The following PTCD2 variants were observed in gnomAD, a reference collection of about 807,000 sequenced individuals.
PTCD2 encodes the protein pentatricopeptide repeat domain 2, also known as pentatricopeptide repeat-containing protein 2, mitochondrial.
In PTCD2, 31 loss-of-function variants were observed where a neutral mutation model predicts 42.6. The ratio of observed to expected loss-of-function variants is 0.73; its 90% CI spans 0.55 to 0.98. The LOEUF is 0.98. PTCD2 is among the 50% of genes least tolerant of loss of function. The pLI, the probability that PTCD2 is intolerant of heterozygous loss-of-function variation, is 0.00. For missense variants in PTCD2, 476 were observed against 454.8 expected, an observed-to-expected ratio of 1.05 and a Z score of -0.42; for synonymous variants, 183 against 170.9, an observed-to-expected ratio of 1.07 and a Z score of -0.55.
At chr5:72,353,967 C>T (rs1393128223) in intron 9 of PTCD2, among the ~76,000 whole-genome samples, 1 of 152,104 alleles carries the variant, frequency 6.6e-6, no homozygotes, top group Non-Finnish European at 1.5e-5. Flanking sequence ...AAATCCAAAT[C>T]AGTAAAAGAA....
At chr5:72,328,100 T>C (rs1011282070) in intron 3 of PTCD2, among the ~76,000 whole-genome samples, 1 of 152,208 alleles carries the variant, frequency 6.6e-6, no homozygotes, top group Non-Finnish European at 1.5e-5. Flanking sequence ...CTGTTTCAGT[T>C]GTCTGTTGCT....
intron 8 of PTCD2, among the ~76,000 whole-genome samples, chr5:72,345,732 T>C (rs768423393): frequency 6.6e-6 from 1 of 152,214 alleles, no homozygotes; most frequent in African/African-American, 2.4e-5. Context: ...CTTTTTGTTG[T>C]GGGGATTAAA....
chr5:72,338,614 CCT>C lies in PTCD2; in HGVS notation c.640-6_640-5del. The C allele has an allele frequency of 7.0e-7, 1 of 1,438,400 alleles. No individual in the cohort carries two copies. Among genetic ancestry groups the C allele is most frequent in the Non-Finnish European group, 9.7e-7 (1 of 1,027,038 alleles). The allele number at this position is 1,438,400 out of a possible 1,614,324, so 89.1% of individuals were successfully genotyped here. A position where few individuals can be genotyped will look rare whatever the true frequency, so the allele number is the denominator to read the frequency against. On this transcript the variant is annotated splice_region_variant and splice_polypyrimidine_tract_variant and intron_variant, in intron 6 of 9. Transcript: ENST00000380639. ...TAACATTAATCGAACAATCCTGTCT[CCT>C]CACAGAATAGCCCTGAGTCTTTCAA... is the stretch of plus-strand genomic sequence containing the variant.
chr5:72,336,190 C>G (rs896211151), intron 6 of PTCD2, among the ~76,000 whole-genome samples: 5 of 152,146 alleles, frequency 3.3e-5, no homozygotes, highest in African/African-American at 1.2e-4. Context: ...TCTGCTAGAT[C>G]CATCTTCCCT....
At chr5:72,353,408 C>G (rs1031508385) in intron 9 of PTCD2, among the ~76,000 whole-genome samples, 1 of 152,282 alleles carries the variant, frequency 6.6e-6, no homozygotes, top group Middle Eastern at 3.4e-3. Flanking sequence ...AATGAAAAGA[C>G]AGACCATATG....
chr5:72,341,311 C>G (rs371790771), intron 7 of PTCD2, among the ~76,000 whole-genome samples: 1 of 151,988 alleles, frequency 6.6e-6, no homozygotes, highest in African/African-American at 2.4e-5. Flanking sequence ...CCCAAAGTGC[C>G]GGGATTACAG....
intron 7 of PTCD2, among the ~76,000 whole-genome samples, chr5:72,341,693 A>G (rs772689638): frequency 3.3e-5 from 5 of 152,106 alleles, no homozygotes; most frequent in Non-Finnish European, 7.4e-5. Flanking sequence ...GCAGTGAGCC[A>G]TGATTCCACC....
chr5:72,322,118 C>A, intron 1 of PTCD2, 54 bp from the exon 2 acceptor site: 1 of 920,252 alleles, frequency 1.1e-6, no homozygotes, highest in Non-Finnish European at 1.8e-6. Context: ...ATGTTATTTG[C>A]TAACTTCTAA....
At chr5:72,327,531 G>T (rs1338263460) in intron 3 of PTCD2, among the ~76,000 whole-genome samples, 1 of 149,956 alleles carries the variant, frequency 6.7e-6, no homozygotes, top group Admixed American at 6.6e-5. Context: ...GAGTACAGTG[G>T]CACGATCTTT....
intron 2 of PTCD2, among the ~76,000 whole-genome samples, chr5:72,324,783 G>A (rs980293200): frequency 2.6e-5 from 4 of 152,018 alleles, no homozygotes; most frequent in African/African-American, 7.3e-5. Flanking sequence ...GTTCTTTGAG[G>A]GCAGGAACTA....
intron 9 of PTCD2, among the ~76,000 whole-genome samples, chr5:72,353,167 C>G (rs1463191622): frequency 6.6e-6 from 1 of 152,178 alleles, no homozygotes; most frequent in Non-Finnish European, 1.5e-5. Flanking sequence ...ACATAGAGAG[C>G]CTCTGGCCCC....
At chr5:72,341,556 G>A (rs533158788) in intron 7 of PTCD2, among the ~76,000 whole-genome samples, 2 of 151,984 alleles carry the variant, frequency 1.3e-5, no homozygotes, top group East Asian at 3.9e-4. Flanking sequence ...AACATAGGGA[G>A]ACCCTGTCTC....
At position 72,361,958 on chromosome 5, in the gene PTCD2, C is replaced by T. The variant is rs1022537330; in HGVS notation, c.*3531C>T. On this transcript the variant is annotated 3_prime_UTR_variant, in exon 10 of 10. Coordinates refer to ENST00000380639, the MANE Select transcript of PTCD2 (RefSeq NM_024754.5). Reference sequence around the variant, plus strand: ...CAAAGTGCTTATCATATGCCTGTCACTGTCTGTTTTCTTCACTAGACTCAG... The same window carrying T: ...CAAAGTGCTTATCATATGCCTGTCATTGTCTGTTTTCTTCACTAGACTCAG... 1.3e-5 allele frequency: 2 copies of T among 152,368 alleles called. No individual in the cohort carries two copies. Among genetic ancestry groups the T allele is most frequent in the African/African-American group, 4.8e-5 (2 of 41,452 alleles). 9.4% of individuals were successfully genotyped at this position (152,368 alleles called of 1,614,324 possible).
rs1752681917 is a variant in PTCD2 at position 72,352,728 on chromosome 5, A to G, written c.916A>G (p.Lys306Glu). 6.3e-7 allele frequency: 1 copy of G among 1,594,398 alleles called. No individual in the cohort carries two copies. Among genetic ancestry groups the G allele is most frequent in the Non-Finnish European group, 8.6e-7 (1 of 1,162,264 alleles). Residue 306 changes from lysine (K) to glutamate (E), a missense_variant, in exon 9 of 10, where the codon AAA becomes GAA. Lys to Glu is a moderately conservative substitution (Grantham distance 56). Transcript: ENST00000380639. ...AAEGNLSKFV[K>E]RHVFSEEVLA... ...AGAAGGAAATTTATCAAAATTTGTG[A>G]AAAGACATGTGTTCTCGGAGGAAGT... is the stretch of plus-strand genomic sequence containing the variant.
intron 9 of PTCD2, among the ~76,000 whole-genome samples, chr5:72,355,963 C>A (rs1202389968): frequency 6.6e-6 from 1 of 152,162 alleles, no homozygotes; most frequent in Non-Finnish European, 1.5e-5. Context: ...CAGCCCTGTT[C>A]CATTTCCTCA....
Position 72,320,412 on chromosome 5 carries a change from T to G in PTCD2, c.30T>G (p.Phe10Leu). Residue 10 changes from phenylalanine to leucine, a missense_variant, in exon 1 of 10, where the codon TTT (phenylalanine) becomes TTG (leucine). Coordinates refer to ENST00000380639, the MANE Select transcript of PTCD2 (RefSeq NM_024754.5). MVRDSMAAA[F>L]RPSNRVLLQA... The stretch of plus-strand genomic sequence containing the variant: ...TCCGAGACAGTATGGCTGCTGCATT[T>G]CGGCCCTCGAATCGAGTTCTCCTGC... 2 of 1,614,172 alleles carry G rather than the reference T, an allele frequency of 1.2e-6. No homozygotes were observed.
At chr5:72,348,199 T>C (rs1328795943) in intron 8 of PTCD2, among the ~76,000 whole-genome samples, 1 of 152,192 alleles carries the variant, frequency 6.6e-6, no homozygotes, top group Non-Finnish European at 1.5e-5. Context: ...GTAGAGCACA[T>C]TTTAAAAAAT....
intron 2 of PTCD2, among the ~76,000 whole-genome samples, chr5:72,325,329 A>G (rs142681497): frequency 5.6e-4 from 85 of 152,372 alleles, no homozygotes; most frequent in African/African-American, 2.0e-3. Flanking sequence ...TTAATAGACT[A>G]AATCCTCTTA....
chr5:72,347,198 C>T (rs7721244), intron 8 of PTCD2, among the ~76,000 whole-genome samples: 9,522 of 152,206 alleles, frequency 0.063, 543 homozygotes, highest in African/African-American at 0.15. Flanking sequence ...AGGGTTTCCC[C>T]GCCACTCCAG....
Sources: allele counts gnomAD v4.1 joint callset (sites outside exome capture counted in the v4.1 genomes callset), GRCh38; gene constraint gnomAD v4.1.1; transcripts MANE v1.5; gene names NCBI Gene and HGNC (gene_info 2026-07-23, HGNC 2026-07-21).